LRCOL1: variants seen among roughly 807,000 people sequenced by gnomAD.
LRCOL1 encodes leucine-rich colipase-like protein 1.
A neutral mutation model predicts 21.6 loss-of-function variants in LRCOL1; 21 were observed. That is an observed-to-expected ratio of 0.97 (90% CI 0.69 to 1.40). The LOEUF is 1.40. LRCOL1 is among the 40% of genes most tolerant of loss of function. The pLI is 0.00. For missense variants in LRCOL1, 198 were observed against 202.3 expected, an observed-to-expected ratio of 0.98 and a Z score of 0.13; for synonymous variants, 98 against 90.1, an observed-to-expected ratio of 1.09 and a Z score of -0.49.
intron 1 of LRCOL1, among the ~76,000 whole-genome samples, chr12:132,607,158 C>G (rs773533873): frequency 6.6e-6 from 1 of 152,182 alleles, no homozygotes; most frequent in Admixed American, 6.5e-5. Flanking sequence ...GACGGCGCTG[C>G]CCCCACCACA....
intron 5 of LRCOL1, chr12:132,603,932 G>A (rs1057285484): frequency 2.2e-5 from 27 of 1,229,122 alleles, no homozygotes; most frequent in Non-Finnish European, 2.4e-5. Flanking sequence ...TTCCCTCTCC[G>A]GCCTGAAGAC....
Position 132,604,579 on chromosome 12 carries a change from A to G in LRCOL1, c.237T>C (p.Asn79=). The change falls in exon 4 of 6, where the codon AAT becomes AAC. Residue 79 remains asparagine (N), a synonymous_variant. Transcript: ENST00000376608. ...CTGAGTCGTGCGAGCATCTGTACCCATTGGGCTATGGGACAGGAGACGCGT... is the reference window on the plus strand; with the variant it reads ...CTGAGTCGTGCGAGCATCTGTACCCGTTGGGCTATGGGACAGGAGACGCGT... The part of the protein sequence containing the change: ...FLQCLPWRKP[N]GYRCSHDSEC... 1 of 1,534,532 alleles carries G rather than the reference A, an allele frequency of 6.5e-7. No individual in the cohort carries two copies. Among genetic ancestry groups the G allele is most frequent in the Non-Finnish European group, 8.7e-7 (1 of 1,145,684 alleles).
At chr12:132,610,131 G>A (rs1214060782) in intron 1 of LRCOL1, among the ~76,000 whole-genome samples, 192 bp downstream of exon 1, 1 of 152,170 alleles carries the variant, frequency 6.6e-6, no homozygotes, top group South Asian at 2.1e-4. Flanking sequence ...TGGCAGGTGG[G>A]GTCATCCCCA....
At chr12:132,605,491 G>A (rs2041295385) in intron 2 of LRCOL1, among the ~76,000 whole-genome samples, 1 of 152,250 alleles carries the variant, frequency 6.6e-6, no homozygotes, top group Non-Finnish European at 1.5e-5. Flanking sequence ...CACTTTGGGA[G>A]GGTGAGGCCG....
At chr12:132,603,871 G>C (rs1484952404) in intron 5 of LRCOL1, 1 of 1,177,942 alleles carries the variant, frequency 8.5e-7, no homozygotes, top group African/African-American at 1.6e-5. Flanking sequence ...CAGAGGTCGG[G>C]GGAGGGAGGG....
intron 1 of LRCOL1, among the ~76,000 whole-genome samples, chr12:132,609,371 G>T (rs942623889): frequency 6.6e-6 from 1 of 152,234 alleles, no homozygotes; most frequent in African/African-American, 2.4e-5. Context: ...CAACGTGAAT[G>T]TGCTTCATGC....
At position 132,606,004 on chromosome 12, in the gene LRCOL1, G is replaced by C; in HGVS notation, c.105+143C>G. ...CCTCAGGGAGGGTTTCATCCAGGAA[G>C]GCGCTTTGTGTCCCTTTGAGACCCT... is the stretch of plus-strand genomic sequence containing the variant. On this transcript the variant is annotated intron_variant, in intron 2 of 5. Coordinates refer to ENST00000376608, the MANE Select transcript of LRCOL1 (RefSeq NM_001195520.2). The surrounding 1 kb of genome is among the most constrained non-coding windows in gnomAD (Gnocchi z 4.6). 1.4e-6 allele frequency: 1 copy of C among 710,036 alleles called. No individual in the cohort carries two copies. Among genetic ancestry groups the C allele is most frequent in the Non-Finnish European group, 2.3e-6 (1 of 432,688 alleles). The allele number at this position is 710,036 out of a possible 1,614,324, so 44.0% of individuals were successfully genotyped here.
chr12:132,603,428 G>A, intron 5 of LRCOL1, 24 bp from the exon 6 acceptor site: 2 of 1,536,210 alleles, frequency 1.3e-6, no homozygotes, highest in Non-Finnish European at 1.7e-6. Context: ...CAAAGCTGAG[G>A]AAACGTGCAG....
chr12:132,604,372 T>C lies in LRCOL1; in HGVS notation c.359A>G (p.Asn120Ser), dbSNP rs1296130887. 5 of 1,535,454 alleles carry C rather than the reference T, an allele frequency of 3.3e-6. No individual in the cohort carries two copies. The highest frequency in any genetic ancestry group is 1.2e-5 in the South Asian group (1 of 84,028). ...FLQCVPWRKP[N>S]GDFCSSHQEC... The stretch of plus-strand genomic sequence containing the variant: ...CTGATGGCTGCTGCAGAAGTCGCCG[T>C]TGGGCTGGGGAGGCAGCCAGGCAGC... Residue 120 changes from asparagine to serine, a missense_variant, in exon 5 of 6, where the codon AAC (asparagine) becomes AGC (serine). By Grantham distance (46) the Asn-to-Ser change is conservative (BLOSUM62 1). Transcript: ENST00000376608.
Position 132,603,221 on chromosome 12 carries a change from C to T in LRCOL1, c.*181G>A. ...CCCCAGTGCCTGGGATTTGTTCTCA[C>T]AGACACTTCGCGCCACCAGGCTGGT... On this transcript the variant is annotated 3_prime_UTR_variant, in exon 6 of 6. Coordinates refer to ENST00000376608, the MANE Select transcript of LRCOL1 (RefSeq NM_001195520.2). The T allele has an allele frequency of 2.2e-6, 2 of 894,770 alleles. No homozygotes were observed. Among genetic ancestry groups the T allele is most frequent in the South Asian group, 1.7e-5 (1 of 57,340 alleles). The allele number at this position is 894,770 out of a possible 1,614,324, so 55.4% of individuals were successfully genotyped here. A position where few individuals can be genotyped will look rare whatever the true frequency, so the allele number is the denominator to read the frequency against.
chr12:132,605,955 G>A (rs112644258), intron 2 of LRCOL1, 192 bp downstream of exon 2: 7,673 of 601,580 alleles, frequency 0.013, 71 homozygotes, highest in Middle Eastern at 0.028. Context: ...ACAGCCGGGC[G>A]TGTGGCCAGG....
rs2041270137 is a variant in LRCOL1 at position 132,604,267 on chromosome 12, T to TG, written c.463dup (p.Gln155ProfsTer8). 1 of 1,534,706 alleles carries TG rather than the reference T, an allele frequency of 6.5e-7. No homozygotes were observed. The highest frequency in any genetic ancestry group is 1.4e-5 in the African/African-American group (1 of 73,026). On this transcript the variant is annotated frameshift_variant, in exon 5 of 6. Transcript: ENST00000376608. LOFTEE classifies it high-confidence loss of function. Reference sequence around the variant, plus strand: ...CCCGGGACTTACCAGGGGCAGGCACTGGGCCAGGATCCCGGTCCGGGGAAT... The same window carrying TG: ...CCCGGGACTTACCAGGGGCAGGCACTGGGGCCAGGATCCCGGTCCGGGGAAT...
intron 4 of LRCOL1, 22 bp downstream of exon 4, chr12:132,604,440 G>A: frequency 6.5e-7 from 1 of 1,528,468 alleles, no homozygotes; most frequent in Non-Finnish European, 8.7e-7. Flanking sequence ...TGCTCCATCT[G>A]CCCCGGGTGC....
intron 5 of LRCOL1, 127 bp from the exon 6 acceptor site, chr12:132,603,531 CAGAGGCCGACGCCCACGCTCAGCTCGCG>C (rs1418940562): frequency 4.6e-6 from 7 of 1,516,640 alleles, no homozygotes; most frequent in Non-Finnish European, 6.2e-6. Flanking sequence ...GGACAGCACC[CAGAGGCCGACGCCCACGCTCAGCTCGCG>C]AGAGGGACGC....
At chr12:132,604,130 G>A in intron 5 of LRCOL1, 124 bp downstream of exon 5, 1 of 1,441,904 alleles carries the variant, frequency 6.9e-7, no homozygotes, top group Admixed American at 2.7e-5. Flanking sequence ...CCCAGCAGGG[G>A]TGCCTGGGTG....
In LRCOL1 at chr12:132,604,378, T is replaced by C. The variant is rs1465322059; in HGVS notation, c.355-2A>G. The C allele has an allele frequency of 2.6e-6, 4 of 1,535,244 alleles. No homozygotes were observed. In the Admixed American group the frequency reaches 5.9e-5, roughly 23 times the overall value. On this transcript the variant is annotated splice_acceptor_variant, in intron 4 of 5. Transcript: ENST00000376608. LOFTEE classifies it high-confidence loss of function. ...GCTGCTGCAGAAGTCGCCGTTGGGC[T>C]GGGGAGGCAGCCAGGCAGCAGTCGT... is the stretch of plus-strand genomic sequence containing the variant.
intron 1 of LRCOL1, among the ~76,000 whole-genome samples, chr12:132,607,098 C>T (rs539860989): frequency 9.8e-5 from 15 of 152,334 alleles, no homozygotes; most frequent in African/African-American, 2.6e-4. Context: ...GCGGCATTGC[C>T]CTGCGTGTGG....
chr12:132,606,227 G>T lies in LRCOL1; in HGVS notation c.25C>A (p.Leu9Met). 1 of 1,536,626 alleles carries T rather than the reference G, an allele frequency of 6.5e-7. No homozygotes were observed. Among genetic ancestry groups the T allele is most frequent in the South Asian group, 1.2e-5 (1 of 84,058 alleles). Residue 9 changes from leucine to methionine, a missense_variant, in exon 2 of 6, where the codon CTG (leucine) becomes ATG (methionine). Leu to Met is a conservative substitution (Grantham distance 15, BLOSUM62 2). Transcript: ENST00000376608. This position sits in a 1 kb window ranked among gnomAD's most constrained non-coding sequence, Gnocchi z 4.6. MAGPGWTL[L>M]LLLLLLLLLG... The stretch of plus-strand genomic sequence containing the variant: ...AGCAGCAGCAGCAGCAGCAGTAGCA[G>T]CAGCGTCCACCCCGGGCCGGCCATC...
At chr12:132,604,421 G>C in intron 4 of LRCOL1, 41 bp downstream of exon 4, 2 of 1,533,066 alleles carry the variant, frequency 1.3e-6, no homozygotes, top group South Asian at 2.4e-5. Context: ...GGCTGTCTCC[G>C]GCTACCCCTG....
Sources: allele counts gnomAD v4.1 joint callset (sites outside exome capture counted in the v4.1 genomes callset), GRCh38; gene constraint gnomAD v4.1.1; non-coding constraint Gnocchi (gnomAD v3.1); transcripts MANE v1.5; gene names NCBI Gene and HGNC (gene_info 2026-07-23, HGNC 2026-07-21).